The following CNTN5 variants were observed in gnomAD, a reference collection of about 807,000 sequenced individuals.
CNTN5 encodes contactin-5.
A neutral mutation model predicts 129.1 loss-of-function variants in CNTN5; 77 were observed. The observed-to-expected ratio is 0.60, with a 90% CI of 0.50 to 0.72. CNTN5 has a LOEUF of 0.72. CNTN5 is among the 30% of genes least tolerant of loss of function. The pLI is 0.00. For synonymous variants in CNTN5, 509 were observed against 465.6 expected (o/e 1.09, Z -1.20); for missense variants, 1,478 against 1,328.8 (o/e 1.11, Z -1.75).
At position 99,268,159 on chromosome 11, in the gene CNTN5, G is replaced by A. The variant is rs570089450; in HGVS notation, c.-209-57187G>A. On this transcript the variant is annotated intron_variant, in intron 1 of 24. Transcript: ENST00000524871. ...TTATCTCAACCAAGAGCTATTTTGA[G>A]ATTAAAAAATATAAAACATATAATG... Among the ~76,000 whole-genome samples the A allele has an allele frequency of 3.3e-5, 5 of 151,882 alleles. No homozygotes were observed. The East Asian group carries it at 9.7e-4, about 30-fold the overall frequency.
At chr11:99,575,099 T>A (rs1343200880) in intron 3 of CNTN5, among the ~76,000 whole-genome samples, 1 of 152,182 alleles carries the variant, frequency 6.6e-6, no homozygotes, top group Non-Finnish European at 1.5e-5. Flanking sequence ...TCTAATGTTG[T>A]TTTCCAATAA....
chr11:99,779,236 G>T (rs1252909230), intron 3 of CNTN5, among the ~76,000 whole-genome samples: 1 of 151,738 alleles, frequency 6.6e-6, no homozygotes, highest in Non-Finnish European at 1.5e-5. Context: ...TTTTAGGCAA[G>T]AAAAAATTCA....
chr11:99,977,032 A>T (rs1351428012), intron 8 of CNTN5, among the ~76,000 whole-genome samples: 1 of 152,232 alleles, frequency 6.6e-6, no homozygotes, highest in East Asian at 1.9e-4. Context: ...GCCAGGTCAC[A>T]TCTTGAAAGC....
intron 1 of CNTN5, among the ~76,000 whole-genome samples, chr11:99,094,454 A>G (rs1219600228): frequency 1.3e-5 from 2 of 152,002 alleles, no homozygotes; most frequent in African/African-American, 4.8e-5. Context: ...GTGGCATAAG[A>G]GAAGCAGTTT....
At chr11:99,503,027 T>G (rs1946484088) in intron 2 of CNTN5, among the ~76,000 whole-genome samples, 1 of 152,228 alleles carries the variant, frequency 6.6e-6, no homozygotes. Context: ...ACCAGTTTTA[T>G]ATCTTAAATA....
chr11:99,914,158 C>T (rs1254000135), intron 6 of CNTN5, among the ~76,000 whole-genome samples: 1 of 151,990 alleles, frequency 6.6e-6, no homozygotes, highest in Non-Finnish European at 1.5e-5. Flanking sequence ...GATTTCTTGA[C>T]CCCAGGATTT....
At chr11:100,091,276 C>A (rs886415529) in intron 13 of CNTN5, among the ~76,000 whole-genome samples, 5 of 151,758 alleles carry the variant, frequency 3.3e-5, no homozygotes, top group African/African-American at 1.2e-4. Flanking sequence ...GGTCTCAGGT[C>A]AAATGTTACC....
At chr11:99,945,065 T>C (rs905733358) in intron 7 of CNTN5, among the ~76,000 whole-genome samples, 3 of 151,938 alleles carry the variant, frequency 2.0e-5, no homozygotes, top group Non-Finnish European at 4.4e-5. Flanking sequence ...GAGTGGGTGA[T>C]AGTATCGGAT....
At chr11:99,585,145 G>A (rs1336484558) in intron 3 of CNTN5, among the ~76,000 whole-genome samples, 3 of 152,160 alleles carry the variant, frequency 2.0e-5, no homozygotes, top group South Asian at 2.1e-4. Flanking sequence ...TAATCTATAA[G>A]ACAGATGAAA....
intron 1 of CNTN5, among the ~76,000 whole-genome samples, chr11:99,254,771 G>T (rs989313570): frequency 6.6e-6 from 1 of 151,696 alleles, no homozygotes; most frequent in Non-Finnish European, 1.5e-5. Flanking sequence ...ACTTATTGTG[G>T]TCATTGAATA....
intron 4 of CNTN5, among the ~76,000 whole-genome samples, chr11:99,836,515 G>A (rs1449776453): frequency 6.6e-6 from 1 of 151,990 alleles, no homozygotes; most frequent in African/African-American, 2.4e-5. Context: ...GTGTATATGT[G>A]CCACATTTTC....
At chr11:100,014,092 G>A (rs894562547) in intron 9 of CNTN5, among the ~76,000 whole-genome samples, 1 of 151,930 alleles carries the variant, frequency 6.6e-6, no homozygotes, top group African/African-American at 2.4e-5. Flanking sequence ...ATGGTAACTT[G>A]GAAATTAGGT....
At chr11:99,678,755 G>A (rs1397615665) in intron 3 of CNTN5, among the ~76,000 whole-genome samples, 1 of 151,990 alleles carries the variant, frequency 6.6e-6, no homozygotes, top group African/African-American at 2.4e-5. Flanking sequence ...AATGCACAGA[G>A]TTCTGTGGCA....
intron 13 of CNTN5, among the ~76,000 whole-genome samples, chr11:100,114,857 T>G (rs1191671758): frequency 6.6e-6 from 1 of 152,074 alleles, no homozygotes; most frequent in Non-Finnish European, 1.5e-5. Flanking sequence ...TTAATTCATT[T>G]AATACTCTCA....
intron 9 of CNTN5, among the ~76,000 whole-genome samples, chr11:100,005,436 T>C (rs865850294): frequency 1.3e-5 from 2 of 152,162 alleles, no homozygotes; most frequent in Middle Eastern, 3.2e-3. Flanking sequence ...TCTCCAACTC[T>C]CTTTTTTATT....
intron 3 of CNTN5, among the ~76,000 whole-genome samples, chr11:99,802,868 G>T (rs1017823454): frequency 2.6e-5 from 4 of 152,114 alleles, no homozygotes; most frequent in Admixed American, 6.5e-5. Flanking sequence ...GAGTGGAGAG[G>T]GCTCTAATGC....
chr11:100,350,393 CT>C (rs1952379987), intron 23 of CNTN5, among the ~76,000 whole-genome samples: 1 of 151,572 alleles, frequency 6.6e-6, no homozygotes, highest in Admixed American at 6.6e-5. Flanking sequence ...TTAATTTTAT[CT>C]TACCTCTTTC....
intron 1 of CNTN5, among the ~76,000 whole-genome samples, chr11:99,183,428 G>A (rs1858181800): frequency 6.6e-6 from 1 of 152,106 alleles, no homozygotes. Context: ...TGTTGCTGCT[G>A]AGTCAGATGA....
chr11:99,105,396 G>A (rs1866948438), intron 1 of CNTN5, among the ~76,000 whole-genome samples: 1 of 152,118 alleles, frequency 6.6e-6, no homozygotes, highest in Non-Finnish European at 1.5e-5. Context: ...GACATGATAA[G>A]TGAGCTAAAC....
Sources: allele counts gnomAD v4.1 joint callset (sites outside exome capture counted in the v4.1 genomes callset), GRCh38; gene constraint gnomAD v4.1.1; transcripts MANE v1.5; gene names NCBI Gene and HGNC (gene_info 2026-07-23, HGNC 2026-07-21).